Variants in ADAM10 observed in about 807,000 individuals in gnomAD.
ADAM10 encodes disintegrin and metalloproteinase domain-containing protein 10.
A neutral mutation model predicts 90.1 loss-of-function variants in ADAM10; 17 were observed. The observed-to-expected ratio is 0.19, with a 90% CI of 0.13 to 0.28. The LOEUF is 0.28. Among genes scored for constraint, ADAM10 ranks in the 10% least tolerant of loss-of-function variants. The pLI is 1.00. For missense variants in ADAM10, 610 were observed against 914.3 expected (o/e 0.67, Z 4.29); for synonymous variants, 310 against 298.6 (o/e 1.04, Z -0.40).
chr15:58,607,411 G>A (rs1389399032), intron 14 of ADAM10, among the ~76,000 whole-genome samples: 1 of 152,226 alleles, frequency 6.6e-6, no homozygotes, highest in Non-Finnish European at 1.5e-5. Flanking sequence ...TTTGGAAAAT[G>A]AAGTTTAAAC....
intron 8 of ADAM10, among the ~76,000 whole-genome samples, chr15:58,635,110 C>T (rs1277858553): frequency 6.6e-6 from 1 of 150,822 alleles, no homozygotes; most frequent in Non-Finnish European, 1.5e-5. Context: ...CCCATCTCTG[C>T]TAAAAATACA....
chr15:58,636,200 C>A (rs1420936697), intron 8 of ADAM10, among the ~76,000 whole-genome samples: 1 of 151,764 alleles, frequency 6.6e-6, no homozygotes, highest in African/African-American at 2.4e-5. Context: ...TCATTTGAAC[C>A]CAGGAGGCGG....
intron 1 of ADAM10, among the ~76,000 whole-genome samples, chr15:58,745,067 T>C (rs1899746602): frequency 6.6e-6 from 1 of 152,080 alleles, no homozygotes; most frequent in South Asian, 2.1e-4. Context: ...CCTGTAGTCC[T>C]AGCTACTCTG....
chr15:58,707,408 A>C (rs1898338921), intron 2 of ADAM10: 1 of 152,482 alleles, frequency 6.6e-6, no homozygotes, highest in Admixed American at 6.6e-5. Context: ...AGAACAAGAA[A>C]AAGGAAAAGG....
At chr15:58,679,411 A>T (rs933045450) in intron 3 of ADAM10, 129 bp from the exon 4 acceptor site, 2 of 801,898 alleles carry the variant, frequency 2.5e-6, no homozygotes, top group Non-Finnish European at 4.0e-6. Context: ...TATATGGTTA[A>T]ATCTTGAATA....
intron 6 of ADAM10, among the ~76,000 whole-genome samples, chr15:58,645,708 T>C (rs1175141534): frequency 6.6e-6 from 1 of 152,110 alleles, no homozygotes; most frequent in African/African-American, 2.4e-5. Context: ...AAGTGCTACA[T>C]ACAATAAAAA....
At chr15:58,687,674 G>A (rs2140764412) in intron 2 of ADAM10, among the ~76,000 whole-genome samples, 1 of 148,484 alleles carries the variant, frequency 6.7e-6, no homozygotes, top group Admixed American at 6.7e-5. Context: ...AAAAAAATAC[G>A]AACAGTTAAA....
chr15:58,743,974 T>A (rs1469138554), intron 1 of ADAM10, among the ~76,000 whole-genome samples: 1 of 152,244 alleles, frequency 6.6e-6, no homozygotes, highest in Non-Finnish European at 1.5e-5. Flanking sequence ...TTTTAGAGTA[T>A]GTTTAATACC....
chr15:58,652,913 T>C (rs774657105), intron 5 of ADAM10, among the ~76,000 whole-genome samples: 1 of 152,220 alleles, frequency 6.6e-6, no homozygotes, highest in Non-Finnish European at 1.5e-5. Flanking sequence ...CAGTGTTTTA[T>C]ACTTTTCATT....
rs1211894896 is a variant in ADAM10, at chr15:58,707,905, C to A, written c.206+9672G>T. Among the ~76,000 whole-genome samples the A allele has an allele frequency of 3.9e-5, 6 of 151,910 alleles. No homozygotes were observed. The East Asian group carries it at 1.2e-3, about 29-fold the overall frequency. Reference sequence around the variant, plus strand: ...CAGCCTGGCCAATATGGTGAAATGCCATCTCTACTAAAAATATGGAAATTA... The same window carrying A: ...CAGCCTGGCCAATATGGTGAAATGCAATCTCTACTAAAAATATGGAAATTA... On this transcript the variant is annotated intron_variant, in intron 2 of 15. Transcript: ENST00000260408.
intron 8 of ADAM10, 101 bp from the exon 9 acceptor site, chr15:58,633,460 C>A: frequency 1.9e-6 from 2 of 1,044,664 alleles, no homozygotes; most frequent in South Asian, 1.5e-5. Flanking sequence ...ATATTTTAAT[C>A]TAAAATAGAA....
intron 5 of ADAM10, among the ~76,000 whole-genome samples, chr15:58,659,873 C>G (rs572325444): frequency 6.6e-6 from 1 of 152,124 alleles, no homozygotes; most frequent in African/African-American, 2.4e-5. Context: ...GGACTACAGG[C>G]GTCCGCCACC....
At chr15:58,703,326 A>G (rs1290119580) in intron 2 of ADAM10, among the ~76,000 whole-genome samples, 1 of 151,240 alleles carries the variant, frequency 6.6e-6, no homozygotes, top group African/African-American at 2.4e-5. Flanking sequence ...CAGAAATACC[A>G]TATGATCCAA....
In ADAM10 at chr15:58,597,455, G is replaced by A; in HGVS notation, c.*92C>T. 1 of 1,600,324 alleles carries A rather than the reference G, an allele frequency of 6.2e-7. No homozygotes were observed. Among genetic ancestry groups the A allele is most frequent in the Non-Finnish European group, 8.5e-7 (1 of 1,172,622 alleles). On this transcript the variant is annotated 3_prime_UTR_variant, in exon 16 of 16. Coordinates refer to ENST00000260408, the MANE Select transcript of ADAM10 (RefSeq NM_001110.4). ...TTTTCTTCAACTGTTACTTGTGAGG[G>A]TTTAGTTTGGAGATGATGACTTAAT... is the stretch of plus-strand genomic sequence containing the variant.
intron 12 of ADAM10, chr15:58,611,321 T>C (rs1895431959): frequency 1.9e-6 from 1 of 536,980 alleles, no homozygotes. Flanking sequence ...GTAAATCTTT[T>C]AAAGCAATGG....
chr15:58,675,710 T>A (rs539334003), intron 4 of ADAM10, among the ~76,000 whole-genome samples: 17 of 152,328 alleles, frequency 1.1e-4, no homozygotes, highest in African/African-American at 4.1e-4. Flanking sequence ...GTGAAAACTA[T>A]CCCTGTGTTC....
chr15:58,663,475 C>T (rs2140726549), intron 5 of ADAM10, among the ~76,000 whole-genome samples: 1 of 152,226 alleles, frequency 6.6e-6, no homozygotes, highest in African/African-American at 2.4e-5. Context: ...AGTCTTAATA[C>T]CTCCTAGGGT....
intron 1 of ADAM10, among the ~76,000 whole-genome samples, chr15:58,744,115 A>G (rs1240743998): frequency 6.6e-6 from 1 of 152,158 alleles, no homozygotes. Context: ...TTTTCTCTCC[A>G]TTCTTCCCTG....
intron 5 of ADAM10, among the ~76,000 whole-genome samples, chr15:58,652,657 A>T (rs1279200370): frequency 6.6e-6 from 1 of 152,276 alleles, no homozygotes; most frequent in Non-Finnish European, 1.5e-5. Flanking sequence ...TATAATCTGA[A>T]GTCAGGTAAT....
Sources: allele counts gnomAD v4.1 joint callset (sites outside exome capture counted in the v4.1 genomes callset), GRCh38; gene constraint gnomAD v4.1.1; transcripts MANE v1.5; gene names NCBI Gene and HGNC (gene_info 2026-07-23, HGNC 2026-07-21).